The following SGCZ variants were observed in gnomAD, a reference collection of about 807,000 sequenced individuals.
SGCZ encodes the protein sarcoglycan zeta, also known as zeta-sarcoglycan.
SGCZ carries 40 observed loss-of-function variants against 41.3 expected under a neutral mutation model. The observed-to-expected ratio is 0.97, with a 90% CI of 0.75 to 1.26. The LOEUF is 1.26. SGCZ is among the 50% of genes most tolerant of loss of function. SGCZ has a pLI of 0.00. For missense variants in SGCZ, 552 were observed against 369.8 expected, an observed-to-expected ratio of 1.49 and a Z score of -4.04; for synonymous variants, 206 against 137.5, an observed-to-expected ratio of 1.50 and a Z score of -3.49.
At chr8:14,900,593 C>G (rs1412568099) in intron 1 of SGCZ, among the ~76,000 whole-genome samples, 1 of 152,162 alleles carries the variant, frequency 6.6e-6, no homozygotes, top group African/African-American at 2.4e-5. Flanking sequence ...TGCAAAATAT[C>G]TGTTGAATCA....
intron 4 of SGCZ, among the ~76,000 whole-genome samples, chr8:14,221,174 T>G (rs533650348): frequency 6.6e-6 from 1 of 152,326 alleles, no homozygotes; most frequent in Admixed American, 6.5e-5. Context: ...TATGTGTGTA[T>G]GTCATTGTGT....
intron 1 of SGCZ, among the ~76,000 whole-genome samples, chr8:15,088,756 G>T (rs1268237560): frequency 1.3e-5 from 2 of 152,058 alleles, no homozygotes; most frequent in African/African-American, 4.8e-5. Flanking sequence ...TTACAGATTG[G>T]TCAGTCGCTA....
intron 1 of SGCZ, among the ~76,000 whole-genome samples, chr8:14,616,091 G>A (rs1464009023): frequency 2.0e-5 from 3 of 152,036 alleles, no homozygotes; most frequent in Non-Finnish European, 4.4e-5. Flanking sequence ...AGACCATCCT[G>A]GCTAACACAG....
At chr8:15,090,944 T>G (rs990366144) in intron 1 of SGCZ, among the ~76,000 whole-genome samples, 1 of 152,156 alleles carries the variant, frequency 6.6e-6, no homozygotes, top group Non-Finnish European at 1.5e-5. Flanking sequence ...GTGACCTGGA[T>G]TTTTCCTTGA....
chr8:14,868,721 T>C (rs1804027750), intron 1 of SGCZ, among the ~76,000 whole-genome samples: 1 of 152,154 alleles, frequency 6.6e-6, no homozygotes, highest in African/African-American at 2.4e-5. Context: ...TGAACATATC[T>C]TCTTATAATA....
chr8:15,163,128 C>G (rs768897136), intron 1 of SGCZ, among the ~76,000 whole-genome samples: 14 of 152,186 alleles, frequency 9.2e-5, no homozygotes, highest in Admixed American at 1.3e-4. Flanking sequence ...GGATTCTGTA[C>G]GTAACAGTTC....
intron 1 of SGCZ, among the ~76,000 whole-genome samples, chr8:14,783,430 T>C (rs558704929): frequency 1.4e-5 from 2 of 144,252 alleles, no homozygotes; most frequent in South Asian, 4.3e-4. Context: ...AGAGATTTTG[T>C]CTCAAAAAAA....
intron 1 of SGCZ, among the ~76,000 whole-genome samples, chr8:15,121,488 G>A (rs1807474234): frequency 6.6e-6 from 1 of 152,146 alleles, no homozygotes; most frequent in Non-Finnish European, 1.5e-5. Context: ...CACACATGAG[G>A]CAACAGTGCT....
intron 1 of SGCZ, among the ~76,000 whole-genome samples, chr8:14,555,149 A>C (rs1447419557): frequency 6.6e-6 from 1 of 152,018 alleles, no homozygotes; most frequent in East Asian, 1.9e-4. Flanking sequence ...TATATCCACA[A>C]TATATATATT....
chr8:14,267,213 T>A (rs536046437), intron 3 of SGCZ, among the ~76,000 whole-genome samples: 1 of 152,176 alleles, frequency 6.6e-6, no homozygotes, highest in East Asian at 1.9e-4. Flanking sequence ...ATATGCATAC[T>A]GGGGTATGTA....
At chr8:14,549,672 T>C (rs141262770) in intron 2 of SGCZ, among the ~76,000 whole-genome samples, 3 of 152,080 alleles carry the variant, frequency 2.0e-5, no homozygotes, top group Non-Finnish European at 4.4e-5. Context: ...AGGTACATAT[T>C]TGGATGAACC....
intron 2 of SGCZ, among the ~76,000 whole-genome samples, chr8:14,501,120 T>C (rs545729626): frequency 6.6e-6 from 1 of 152,086 alleles, no homozygotes; most frequent in East Asian, 1.9e-4. Flanking sequence ...TGACCTTGCC[T>C]TTTCCAGCTT....
chr8:14,545,407 A>G (rs1803595136), intron 2 of SGCZ, among the ~76,000 whole-genome samples: 2 of 117,728 alleles, frequency 1.7e-5, no homozygotes, highest in South Asian at 6.2e-4. Flanking sequence ...TGAAAAGCAA[A>G]TGCTTACTTT....
At chr8:14,800,464 A>G (rs901878118) in intron 1 of SGCZ, among the ~76,000 whole-genome samples, 2 of 152,194 alleles carry the variant, frequency 1.3e-5, no homozygotes, top group Non-Finnish European at 2.9e-5. Flanking sequence ...TAGCTACTTG[A>G]TATGGTTTGG....
intron 3 of SGCZ, among the ~76,000 whole-genome samples, chr8:14,294,896 T>TAAC (rs1424700173): frequency 7.9e-5 from 12 of 152,038 alleles, no homozygotes; most frequent in African/African-American, 2.7e-4. Context: ...ATAATAATAA[T>TAAC]AACAACAATT....
intron 1 of SGCZ, among the ~76,000 whole-genome samples, chr8:15,074,089 G>T (rs1406842971): frequency 6.6e-6 from 1 of 152,144 alleles, no homozygotes; most frequent in Non-Finnish European, 1.5e-5. Flanking sequence ...TAGGAGCATT[G>T]TGGCCTAAGG....
chr8:14,905,701 T>C (rs754725387), intron 1 of SGCZ, among the ~76,000 whole-genome samples: 21 of 151,624 alleles, frequency 1.4e-4, no homozygotes, highest in Admixed American at 1.3e-3. Context: ...AATACGTAAG[T>C]GAAGATATAC....
chr8:14,799,513 G>A (rs1422777815), intron 1 of SGCZ, among the ~76,000 whole-genome samples: 1 of 151,884 alleles, frequency 6.6e-6, no homozygotes, highest in Non-Finnish European at 1.5e-5. Context: ...CCCTGGCATG[G>A]TGATTCTGCA....
At chr8:14,501,878 T>C (rs997714271) in intron 2 of SGCZ, among the ~76,000 whole-genome samples, 1 of 152,150 alleles carries the variant, frequency 6.6e-6, no homozygotes, top group African/African-American at 2.4e-5. Flanking sequence ...CAATATAATA[T>C]CTTTTTATTG....
Sources: gnomAD v4.1 joint callset for allele counts (sites outside exome capture counted in the v4.1 genomes callset) on GRCh38, gnomAD v4.1.1 for gene constraint, MANE v1.5 for transcripts, NCBI Gene and HGNC (gene_info 2026-07-23, HGNC 2026-07-21) for gene names.